The following ATXN7 variants were observed in gnomAD, a reference collection of about 807,000 sequenced individuals.
ATXN7 encodes ataxin 7.
A neutral mutation model predicts 70.5 loss-of-function variants in ATXN7; 12 were observed. The observed-to-expected ratio is 0.17, with a 90% CI of 0.11 to 0.28. The LOEUF is 0.28. ATXN7 is among the 10% of genes least tolerant of loss of function. The pLI is 1.00. For missense variants in ATXN7, 1,256 were observed against 1,131.7 expected, an observed-to-expected ratio of 1.11 and a Z score of -1.58; for synonymous variants, 498 against 448.7, an observed-to-expected ratio of 1.11 and a Z score of -1.39.
Position 63,912,791 on chromosome 3 carries a change from C to T in ATXN7, c.193C>T (p.Pro65Ser), listed in dbSNP as rs755818890. The change falls in exon 3 of 13, where the codon CCC (proline) becomes TCC (serine). Residue 65 changes from proline (P) to serine (S), a missense_variant. Physicochemically the swap from Pro to Ser is moderately conservative, Grantham distance 74. Transcript: ENST00000674280. The part of the protein sequence containing the change: ...PRRTRPEDGG[P>S]GAASTSAAAM... ...GCGCACACGGCCGGAGGACGGCGGG[C>T]CCGGCGCCGCCTCCACCTCGGCCGC... is the stretch of plus-strand genomic sequence containing the variant. 206 of 1,540,216 alleles carry T rather than the reference C, an allele frequency of 1.3e-4. No individual in the cohort carries two copies. Among genetic ancestry groups the T allele is most frequent in the Non-Finnish European group, 1.7e-4 (191 of 1,147,758 alleles).
At chr3:63,915,686 A>AT (rs10712088) in intron 4 of ATXN7, among the ~76,000 whole-genome samples, 295 of 142,818 alleles carry the variant, frequency 2.1e-3, no homozygotes, top group South Asian at 9.6e-3. Flanking sequence ...CCCTTTATTT[A>AT]TTTTTTTTTT....
chr3:63,897,230 CAG>C (rs1288044542), intron 1 of ATXN7, among the ~76,000 whole-genome samples: 3 of 151,986 alleles, frequency 2.0e-5, no homozygotes, highest in East Asian at 1.9e-4. Context: ...AAATGGAAAT[CAG>C]AGAAATTTTT....
At chr3:63,930,840 A>T (rs1704924686) in intron 4 of ATXN7, among the ~76,000 whole-genome samples, 1 of 151,926 alleles carries the variant, frequency 6.6e-6, no homozygotes, top group Non-Finnish European at 1.5e-5. Context: ...AGTTTACAAA[A>T]TTTTTAATGG....
intron 4 of ATXN7, among the ~76,000 whole-genome samples, chr3:63,930,851 A>T (rs969990650): frequency 2.0e-5 from 3 of 151,964 alleles, no homozygotes; most frequent in Non-Finnish European, 4.4e-5. Context: ...TTTTTAATGG[A>T]TTCGAATGTA....
At chr3:63,991,332 C>A (rs2075669088) in intron 11 of ATXN7, among the ~76,000 whole-genome samples, 1 of 121,440 alleles carries the variant, frequency 8.2e-6, no homozygotes, top group South Asian at 2.8e-4. Context: ...TAATAGATGA[C>A]AAAACTGAGA....
chr3:63,956,604 G>T (rs2075042989), intron 5 of ATXN7, among the ~76,000 whole-genome samples: 1 of 152,092 alleles, frequency 6.6e-6, no homozygotes, highest in Admixed American at 6.6e-5. Context: ...TCCAGAGATA[G>T]AACCCAGGAA....
chr3:63,945,593 T>A (rs942921080), intron 4 of ATXN7, among the ~76,000 whole-genome samples: 6 of 152,236 alleles, frequency 3.9e-5, no homozygotes, highest in African/African-American at 1.4e-4. Flanking sequence ...CTTTCAATTA[T>A]TATTCATCAA....
At chr3:63,898,931 T>G (rs1703527221) in intron 2 of ATXN7, among the ~76,000 whole-genome samples, 1 of 152,206 alleles carries the variant, frequency 6.6e-6, no homozygotes, top group South Asian at 2.1e-4. Flanking sequence ...TCAGCAAGAC[T>G]GTAAAACAGG....
chr3:63,972,913 G>A (rs1391902979), intron 5 of ATXN7, among the ~76,000 whole-genome samples: 1 of 152,182 alleles, frequency 6.6e-6, no homozygotes, highest in Non-Finnish European at 1.5e-5. Flanking sequence ...GTACTTTTCT[G>A]TCTAAATAAA....
At chr3:63,970,472 C>G (rs1416870187) in intron 5 of ATXN7, among the ~76,000 whole-genome samples, 2 of 152,144 alleles carry the variant, frequency 1.3e-5, no homozygotes, top group East Asian at 1.9e-4. Flanking sequence ...TGTACCTCCT[C>G]TTTTTCCCTA....
rs557468540 is a variant in ATXN7 at position 63,949,865 on chromosome 3, T to C, written c.395-2514T>C. On this transcript the variant is annotated intron_variant, in intron 4 of 12. Transcript: ENST00000674280. ...CAAACCAGAGTCCTGGTTATGCCGCTTTCTTGCTGAGTGATATTAAATAAG... is the reference window on the plus strand; with the variant it reads ...CAAACCAGAGTCCTGGTTATGCCGCCTTCTTGCTGAGTGATATTAAATAAG... 4.2e-4 allele frequency among the ~76,000 whole-genome samples: 64 copies of C among 152,326 alleles called. 1 individual carries two copies. The highest frequency in any genetic ancestry group is 1.5e-3 in the African/African-American group (62 of 41,572).
intron 5 of ATXN7, among the ~76,000 whole-genome samples, chr3:63,979,320 AG>A (rs924330078): frequency 6.6e-5 from 10 of 152,296 alleles, no homozygotes; most frequent in African/African-American, 2.4e-4. Context: ...TTATTAAAAA[AG>A]GGGGGGTGGG....
At chr3:63,964,662 C>A (rs3774719) in intron 5 of ATXN7, among the ~76,000 whole-genome samples, 15,295 of 152,148 alleles carry the variant, frequency 0.1, 954 homozygotes, top group Admixed American at 0.15. Flanking sequence ...GGTGAATTAT[C>A]CCCATTTAAA....
rs766511872 is a variant in ATXN7 at position 63,995,819 on chromosome 3, C to T, written c.1997C>T (p.Pro666Leu). 6 of 1,614,244 alleles carry T rather than the reference C, an allele frequency of 3.7e-6. No individual in the cohort carries two copies. Among genetic ancestry groups the T allele is most frequent in the Admixed American group, 1.7e-5 (1 of 60,032 alleles). The change falls in exon 12 of 13, where the codon CCC (proline) becomes CTC (leucine). Residue 666 changes from proline to leucine, a missense_variant. Physicochemically the swap from Pro to Leu is moderately conservative, Grantham distance 98. Transcript: ENST00000674280. ...GGCCTTTCCTCGGTTCCTTCCTCCC[C>T]CATGTCCAGGAAACCTCAGAAATTG... Reference protein sequence around the residue: ...PSGLSSVPSSPMSRKPQKLKS... With the variant: ...PSGLSSVPSSLMSRKPQKLKS...
At chr3:63,916,101 T>G (rs1417279135) in intron 4 of ATXN7, among the ~76,000 whole-genome samples, 1 of 152,232 alleles carries the variant, frequency 6.6e-6, no homozygotes, top group East Asian at 1.9e-4. Context: ...CTGCTTAACC[T>G]TGCATTAGTT....
At chr3:63,891,059 G>A (rs1703245327) in intron 1 of ATXN7, among the ~76,000 whole-genome samples, 2 of 151,908 alleles carry the variant, frequency 1.3e-5, no homozygotes, top group South Asian at 2.1e-4. Context: ...ACCCAGGCTG[G>A]AGTGCAGTGG....
chr3:63,879,356 C>T (rs563582186), intron 1 of ATXN7, among the ~76,000 whole-genome samples: 1 of 152,234 alleles, frequency 6.6e-6, no homozygotes, highest in East Asian at 1.9e-4. Flanking sequence ...TGCATATGAA[C>T]TGTACAAGTG....
chr3:63,922,454 TTTAC>T (rs1409305705), intron 4 of ATXN7, among the ~76,000 whole-genome samples: 2 of 152,210 alleles, frequency 1.3e-5, no homozygotes, highest in Non-Finnish European at 2.9e-5. Flanking sequence ...GATGTGGGTA[TTTAC>T]TTTTTCCTGC....
intron 4 of ATXN7, among the ~76,000 whole-genome samples, chr3:63,939,526 C>T (rs1171899249): frequency 2.0e-5 from 3 of 152,122 alleles, no homozygotes; most frequent in Non-Finnish European, 4.4e-5. Context: ...TAACGAATGT[C>T]AGAGTAAGGA....
Sources: gnomAD v4.1 joint callset for allele counts (sites outside exome capture counted in the v4.1 genomes callset) on GRCh38, gnomAD v4.1.1 for gene constraint, MANE v1.5 for transcripts, NCBI Gene and HGNC (gene_info 2026-07-23, HGNC 2026-07-21) for gene names.